Variants in SRPRA observed in about 807,000 individuals in gnomAD.
SRPRA encodes signal recognition particle receptor subunit alpha.
Under a neutral mutation model 61.1 loss-of-function variants are expected in SRPRA, and 30 were observed. The ratio of observed to expected loss-of-function variants is 0.49; its 90% confidence interval spans 0.37 to 0.67. SRPRA has a LOEUF of 0.67. Among genes scored for constraint, SRPRA ranks in the 30% least tolerant of loss-of-function variants. The probability of loss-of-function intolerance (pLI) is 0.00; values close to 1 mark genes in which losing one functional copy is unlikely to be tolerated. For synonymous variants in SRPRA, 324 were observed against 299.7 expected (o/e 1.08, Z -0.84); for missense variants, 759 against 828.4 (o/e 0.92, Z 1.03).
At chr11:126,268,238 G>A (rs1591540648) in intron 1 of SRPRA, 152 bp from the exon 2 acceptor site, 1 of 653,340 alleles carries the variant, frequency 1.5e-6, no homozygotes, top group Non-Finnish European at 2.6e-6. Context: ...CTTCTCTCTG[G>A]CATTCCACCA....
Position 126,263,438 on chromosome 11 carries a change from G to A in SRPRA, c.*478C>T, listed in dbSNP as rs560603669. ...TTAACAGGCAATACACTGCCACAGTGAGGCGGGTGTCATCCAGGTCCTGGG... is the reference window on the plus strand; with the variant it reads ...TTAACAGGCAATACACTGCCACAGTAAGGCGGGTGTCATCCAGGTCCTGGG... On this transcript the variant is annotated 3_prime_UTR_variant, in exon 14 of 14. Coordinates refer to ENST00000332118, the MANE Select transcript of SRPRA (RefSeq NM_003139.4). The A allele has an allele frequency of 7.0e-5, 11 of 156,546 alleles. No homozygotes were observed. The highest frequency in any genetic ancestry group is 2.6e-4 in the African/African-American group (11 of 41,628). 9.7% of individuals were successfully genotyped at this position (156,546 alleles called of 1,614,324 possible).
the SRPRA span, among the ~76,000 whole-genome samples, chr11:126,247,852 C>T: frequency 7.9e-6 from 1 of 125,956 alleles, no homozygotes; most frequent in African/African-American, 2.8e-5. Context: ...ATCGAGACTC[C>T]ATCTCAAAAA....
chr11:126,256,781 G>GAT, the SRPRA span: 4 of 1,614,058 alleles, frequency 2.5e-6, no homozygotes, highest in Non-Finnish European at 3.4e-6. The surrounding 1 kb of genome is among the most constrained non-coding windows in gnomAD (Gnocchi z 6.6). Flanking sequence ...ATCTCCTATG[G>GAT]AGATGACTAT....
intron 1 of SRPRA, among the ~76,000 whole-genome samples, 161 bp downstream of exon 1, chr11:126,268,527 T>C (rs1455770769): frequency 2.0e-5 from 3 of 149,302 alleles, no homozygotes; most frequent in Non-Finnish European, 3.0e-5. Flanking sequence ...TGCGGGGTAG[T>C]CTGAAGGGGA....
downstream of SRPRA, chr11:126,261,111 C>T (rs1950686100): frequency 3.8e-6 from 1 of 266,424 alleles, no homozygotes. Flanking sequence ...GAAACTTGGC[C>T]CTCTAGACTG....
rs377054870 is a variant in SRPRA, at chr11:126,265,186, G to C, written c.1312-14C>G. 13 of 1,613,842 alleles carry C rather than the reference G, an allele frequency of 8.1e-6. No homozygotes were observed. Among genetic ancestry groups the C allele is most frequent in the African/African-American group, 2.7e-5 (2 of 74,932 alleles). ...CCAGAAGGAAATCTGTGAAAAAGAC[G>C]TAAGAAAAGTCACCTAAAGCCAGGA... On this transcript the variant is annotated splice_polypyrimidine_tract_variant and intron_variant, in intron 10 of 13. Transcript: ENST00000332118. This position sits in a 1 kb window ranked among gnomAD's most constrained non-coding sequence, Gnocchi z 6.3.
the SRPRA span, among the ~76,000 whole-genome samples, chr11:126,238,355 T>A: frequency 6.6e-6 from 1 of 151,944 alleles, no homozygotes; most frequent in Non-Finnish European, 1.5e-5. Context: ...AGTTGGAGAA[T>A]CTGTGTGTAC....
the SRPRA span, among the ~76,000 whole-genome samples, chr11:126,244,575 G>A: frequency 2.0e-5 from 3 of 152,170 alleles, no homozygotes; most frequent in Non-Finnish European, 4.4e-5. This position sits in a 1 kb window ranked among gnomAD's most constrained non-coding sequence, Gnocchi z 4.5. Context: ...AGGCCGAGGT[G>A]GGCGGATCAC....
downstream of SRPRA, chr11:126,262,029 A>C (rs2135230327): frequency 8.2e-7 from 1 of 1,226,238 alleles, no homozygotes; most frequent in Non-Finnish European, 1.2e-6. Flanking sequence ...TGCCTTCTGA[A>C]GGGTTAGGAT....
chr11:126,266,135 T>C, intron 7 of SRPRA, 52 bp downstream of exon 7: 1 of 1,613,076 alleles, frequency 6.2e-7, no homozygotes, highest in Non-Finnish European at 8.5e-7. Context: ...AGGAGTTGTA[T>C]CTTACCAGTT....
chr11:126,239,315 A>G, the SRPRA span, among the ~76,000 whole-genome samples: 2 of 152,086 alleles, frequency 1.3e-5, no homozygotes, highest in South Asian at 4.1e-4. Flanking sequence ...TATGTTATAT[A>G]AAAAAATACA....
the SRPRA span, among the ~76,000 whole-genome samples, chr11:126,238,137 G>A: frequency 5.3e-4 from 80 of 152,200 alleles, no homozygotes; most frequent in East Asian, 1.5e-3. Context: ...CAAGGCAGGC[G>A]GATCACTTGA....
At chr11:126,266,358 C>A (rs1950810716) in intron 6 of SRPRA, 80 bp from the exon 7 acceptor site, 10 of 1,592,654 alleles carry the variant, frequency 6.3e-6, no homozygotes, top group Non-Finnish European at 8.6e-6. Flanking sequence ...CTATCTCTTT[C>A]ATTTTGGGAA....
chr11:126,247,844 C>T, the SRPRA span, among the ~76,000 whole-genome samples: 2 of 140,106 alleles, frequency 1.4e-5, no homozygotes, highest in East Asian at 2.3e-4. Flanking sequence ...GGTGACAGAT[C>T]GAGACTCCAT....
At chr11:126,247,083 A>T in the SRPRA span, among the ~76,000 whole-genome samples, 3 of 152,212 alleles carry the variant, frequency 2.0e-5, no homozygotes, top group African/African-American at 4.8e-5. Flanking sequence ...ACTTGAGGCC[A>T]GAAGTTTGAG....
At chr11:126,241,170 G>T in the SRPRA span, 31 of 1,066,376 alleles carry the variant, frequency 2.9e-5, no homozygotes, top group Middle Eastern at 6.2e-4. Context: ...CAGCTTGTAG[G>T]TTTCCATAAC....
Position 126,264,503 on chromosome 11 carries a change from G to T in SRPRA, c.1562C>A (p.Thr521Lys). ...NQGFDVVLVDTAGRMQDNAPL... is the reference protein window; with the variant it reads ...NQGFDVVLVDKAGRMQDNAPL... The stretch of plus-strand genomic sequence containing the variant: ...GGCATTGTCTTGCATGCGGCCTGCC[G>T]TGTCCACCAGCACCACGTCAAAGCC... The change falls in exon 12 of 14, where the codon ACG becomes AAG. Residue 521 changes from threonine to lysine, a missense_variant. By Grantham distance (78) the Thr-to-Lys change is moderately conservative. Around this residue, in one of 2 missense-constraint regions of SRPRA, gnomAD observed 284 missense variants for 365.9 expected, o/e 0.78. Coordinates refer to ENST00000332118, the MANE Select transcript of SRPRA (RefSeq NM_003139.4). This position sits in a 1 kb window ranked among gnomAD's most constrained non-coding sequence, Gnocchi z 5.0. The T allele has an allele frequency of 6.2e-7, 1 of 1,613,618 alleles. No individual in the cohort carries two copies. The highest frequency in any genetic ancestry group is 8.5e-7 in the Non-Finnish European group (1 of 1,180,034).
At chr11:126,253,188 C>T in the SRPRA span, among the ~76,000 whole-genome samples, 28 of 152,322 alleles carry the variant, frequency 1.8e-4, no homozygotes, top group Middle Eastern at 3.4e-3. The surrounding 1 kb of genome is among the most constrained non-coding windows in gnomAD (Gnocchi z 5.1). Flanking sequence ...TTGATGTTTT[C>T]CTTCTCATTT....
At chr11:126,252,074 C>T in the SRPRA span, among the ~76,000 whole-genome samples, 1 of 151,770 alleles carries the variant, frequency 6.6e-6, no homozygotes, top group African/African-American at 2.4e-5. This position sits in a 1 kb window ranked among gnomAD's most constrained non-coding sequence, Gnocchi z 4.7. Context: ...GCAACCTCCT[C>T]CTCCTGGGTT....
Sources: allele counts gnomAD v4.1 joint callset (sites outside exome capture counted in the v4.1 genomes callset), GRCh38; gene constraint gnomAD v4.1.1; regional missense constraint gnomAD v4.1.1; non-coding constraint Gnocchi (gnomAD v3.1); transcripts MANE v1.5; gene names NCBI Gene and HGNC (gene_info 2026-07-23, HGNC 2026-07-21).